Variants in CTNNA3 observed in about 807,000 individuals in gnomAD.
CTNNA3 encodes catenin alpha 3.
CTNNA3 carries 76 observed loss-of-function variants against 95.7 expected under a neutral mutation model. That is an observed-to-expected ratio of 0.79 (90% confidence interval 0.66 to 0.96). CTNNA3 has a LOEUF of 0.96. Ranked by LOEUF, CTNNA3 falls within the 40% of genes least tolerant of loss-of-function variation. The pLI is 0.00. For missense variants in CTNNA3, 1,191 were observed against 1,089.8 expected, an observed-to-expected ratio of 1.09 and a Z score of -1.31; for synonymous variants, 431 against 374.4, an observed-to-expected ratio of 1.15 and a Z score of -1.74.
At chr10:66,044,956 TA>T (rs2079796788) in intron 15 of CTNNA3, among the ~76,000 whole-genome samples, 1 of 149,606 alleles carries the variant, frequency 6.7e-6, no homozygotes, top group Non-Finnish European at 1.5e-5. Context: ...ATACCACAGT[TA>T]GCCTCTAATG....
intron 5 of CTNNA3, among the ~76,000 whole-genome samples, chr10:67,348,522 C>T (rs1483384445): frequency 6.6e-6 from 1 of 152,100 alleles, no homozygotes; most frequent in African/African-American, 2.4e-5. Flanking sequence ...CATCTGCTCC[C>T]AGTGAGGGCC....
At chr10:66,733,534 A>G (rs1371700658) in intron 9 of CTNNA3, among the ~76,000 whole-genome samples, 1 of 151,792 alleles carries the variant, frequency 6.6e-6, no homozygotes, top group Non-Finnish European at 1.5e-5. Context: ...ACACACAAAT[A>G]TATATGTATA....
At chr10:67,206,578 G>C (rs1482888719) in intron 6 of CTNNA3, among the ~76,000 whole-genome samples, 1 of 151,694 alleles carries the variant, frequency 6.6e-6, no homozygotes, top group East Asian at 1.9e-4. Flanking sequence ...GAAGAAAAGA[G>C]GGAGGGAGGA....
At chr10:67,383,670 T>G (rs1422601209) in intron 5 of CTNNA3, among the ~76,000 whole-genome samples, 1 of 152,072 alleles carries the variant, frequency 6.6e-6, no homozygotes, top group African/African-American at 2.4e-5. Context: ...ATGCTAGGCA[T>G]ATCTTGGAGT....
chr10:67,108,513 C>G (rs1288048450), intron 7 of CTNNA3, among the ~76,000 whole-genome samples: 1 of 152,060 alleles, frequency 6.6e-6, no homozygotes, highest in Non-Finnish European at 1.5e-5. Flanking sequence ...ATTCCAGTGA[C>G]TATGATGTGA....
chr10:67,587,192 C>CTT (rs1842653508), intron 3 of CTNNA3, among the ~76,000 whole-genome samples: 1 of 81,530 alleles, frequency 1.2e-5, no homozygotes, highest in Non-Finnish European at 2.8e-5. Flanking sequence ...ACCCAGCTAA[C>CTT]TTGTGTGTGT....
chr10:67,051,706 C>T (rs1371236607), intron 7 of CTNNA3, among the ~76,000 whole-genome samples: 2 of 148,632 alleles, frequency 1.3e-5, no homozygotes, highest in Admixed American at 6.7e-5. Flanking sequence ...ACTCGGCCCA[C>T]ACATCTTTAT....
At chr10:65,986,527 A>G (rs2078431699) in intron 16 of CTNNA3, among the ~76,000 whole-genome samples, 1 of 151,548 alleles carries the variant, frequency 6.6e-6, no homozygotes, top group Non-Finnish European at 1.5e-5. Flanking sequence ...AAAAATCCCT[A>G]CTATTAAACT....
At chr10:67,451,433 G>T (rs1170796020) in intron 5 of CTNNA3, among the ~76,000 whole-genome samples, 1 of 151,852 alleles carries the variant, frequency 6.6e-6, no homozygotes, top group African/African-American at 2.4e-5. Flanking sequence ...TTGTAAACAT[G>T]ATAGATCTAG....
chr10:67,499,905 G>A (rs1306035362), intron 5 of CTNNA3, among the ~76,000 whole-genome samples: 1 of 151,902 alleles, frequency 6.6e-6, no homozygotes, highest in East Asian at 1.9e-4. Flanking sequence ...TTGATTTTTG[G>A]AAGGGTTTTT....
chr10:66,386,921 C>A (rs2092897909), intron 11 of CTNNA3, among the ~76,000 whole-genome samples: 1 of 152,142 alleles, frequency 6.6e-6, no homozygotes. Flanking sequence ...GGATCCCTTC[C>A]TTACACCTTG....
At chr10:67,389,882 C>G (rs549987212) in intron 5 of CTNNA3, among the ~76,000 whole-genome samples, 1 of 151,024 alleles carries the variant, frequency 6.6e-6, no homozygotes, top group Non-Finnish European at 1.5e-5. Context: ...CACAACATAC[C>G]AGAATCTCTG....
chr10:66,723,255 T>C (rs1848683495), intron 9 of CTNNA3, among the ~76,000 whole-genome samples: 2 of 152,184 alleles, frequency 1.3e-5, no homozygotes, highest in South Asian at 2.1e-4. Context: ...TCTAGTAACA[T>C]ATGTTTTCTC....
intron 17 of CTNNA3, among the ~76,000 whole-genome samples, chr10:65,933,895 G>A (rs1012547930): frequency 6.6e-6 from 1 of 152,090 alleles, no homozygotes; most frequent in African/African-American, 2.4e-5. Context: ...CGACCAGCTG[G>A]GTAGGAGGAA....
At chr10:66,560,178 C>T (rs147220344) in intron 10 of CTNNA3, among the ~76,000 whole-genome samples, 103 of 152,164 alleles carry the variant, frequency 6.8e-4, no homozygotes, top group African/African-American at 2.4e-3. Flanking sequence ...ATAATAAAAA[C>T]TCCTTGTGTT....
At chr10:66,978,960 CTTTTTTTTTTTTT>C (rs34112681) in intron 7 of CTNNA3, among the ~76,000 whole-genome samples, 1 of 83,782 alleles carries the variant, frequency 1.2e-5, no homozygotes, top group Non-Finnish European at 2.2e-5. Flanking sequence ...TACTTATTTC[CTTTTTTTTTTTTT>C]TTTTTTTTTT....
In CTNNA3 at chr10:66,737,725, T is replaced by A. The variant is rs564447155; in HGVS notation, c.1281+28539A>T. 2.6e-5 allele frequency among the ~76,000 whole-genome samples: 4 copies of A among 152,084 alleles called. No individual in the cohort carries two copies. In the South Asian group the frequency reaches 6.2e-4, roughly 24 times the overall value. On this transcript the variant is annotated intron_variant, in intron 9 of 17. Coordinates refer to ENST00000433211, the MANE Select transcript of CTNNA3 (RefSeq NM_013266.4). ...ACCAGGCTCGAGTGCACTGGTGTGATCATGGCTCACCGCAACCTCTGACTG... is the reference window on the plus strand; with the variant it reads ...ACCAGGCTCGAGTGCACTGGTGTGAACATGGCTCACCGCAACCTCTGACTG...
At chr10:66,482,407 A>G (rs2131905759) in intron 11 of CTNNA3, among the ~76,000 whole-genome samples, 1 of 152,174 alleles carries the variant, frequency 6.6e-6, no homozygotes, top group Admixed American at 6.5e-5. Context: ...AAAATGCCTC[A>G]TTTAATCATG....
Position 66,103,315 on chromosome 10 carries a change from C to T in CTNNA3, c.1885-66G>A, listed in dbSNP as rs761582900. 5.3e-5 allele frequency: 65 copies of T among 1,233,930 alleles called. 2 individuals carry two copies. Among genetic ancestry groups the T allele is most frequent in the Admixed American group, 3.6e-4 (21 of 57,652 alleles). The allele number at this position is 1,233,930 out of a possible 1,614,324, so 76.4% of individuals were successfully genotyped here. A position where few individuals can be genotyped will look rare whatever the true frequency, so the allele number is the denominator to read the frequency against. On this transcript the variant is annotated intron_variant, in intron 13 of 17. Coordinates refer to ENST00000433211, the MANE Select transcript of CTNNA3 (RefSeq NM_013266.4). ...AGCATTTCTTCTTTGGAAAACAACG[C>T]GGCAGTACCTTAAAAGGGTAATCAT...
Sources: allele counts gnomAD v4.1 joint callset (sites outside exome capture counted in the v4.1 genomes callset), GRCh38; gene constraint gnomAD v4.1.1; transcripts MANE v1.5; gene names NCBI Gene and HGNC (gene_info 2026-07-23, HGNC 2026-07-21).